The following NRG1 variants were observed in gnomAD, a reference collection of about 807,000 sequenced individuals.
NRG1 encodes the protein pro-neuregulin-1, membrane-bound isoform.
A neutral mutation model predicts 63.8 loss-of-function variants in NRG1; 18 were observed. The observed-to-expected ratio is 0.28, with a 90% CI of 0.19 to 0.42. NRG1 has a LOEUF of 0.42. Among genes scored for constraint, NRG1 ranks in the 10% least tolerant of loss-of-function variants. NRG1 has a pLI of 1.00. For synonymous variants in NRG1, 302 were observed against 301.3 expected (o/e 1.00, Z -0.02); for missense variants, 762 against 814.7 (o/e 0.94, Z 0.79).
intron 1 of NRG1, among the ~76,000 whole-genome samples, chr8:32,504,747 C>T (rs1005393104): frequency 2.0e-5 from 3 of 152,044 alleles, no homozygotes; most frequent in Admixed American, 1.3e-4. Context: ...GTATTTCTGG[C>T]AGATGGAACA....
chr8:32,320,221 A>G (rs983670406), intron 1 of NRG1, among the ~76,000 whole-genome samples: 1 of 152,300 alleles, frequency 6.6e-6, no homozygotes, highest in South Asian at 2.1e-4. Context: ...TATTGTAGGT[A>G]CTTCATGGAT....
At chr8:31,866,289 C>A (rs1216037609) in intron 1 of NRG1, among the ~76,000 whole-genome samples, 2 of 152,098 alleles carry the variant, frequency 1.3e-5, no homozygotes, top group African/African-American at 2.4e-5. Context: ...AAAAGTATTG[C>A]CCATACATGG....
At chr8:32,744,119 T>C (rs1221938822) in intron 7 of NRG1, among the ~76,000 whole-genome samples, 1 of 152,170 alleles carries the variant, frequency 6.6e-6, no homozygotes, top group East Asian at 1.9e-4. Flanking sequence ...AAGTTGGTTA[T>C]TTAGGGGTCC....
chr8:32,588,792 A>C (rs1438584140), intron 1 of NRG1, among the ~76,000 whole-genome samples: 1 of 152,174 alleles, frequency 6.6e-6, no homozygotes, highest in Non-Finnish European at 1.5e-5. Flanking sequence ...AGTCAGCTTG[A>C]GAATATATTA....
intron 11 of NRG1, chr8:32,763,151 G>A: frequency 6.6e-7 from 1 of 1,511,328 alleles, no homozygotes; most frequent in Non-Finnish European, 9.1e-7. Flanking sequence ...AAAATGAAAA[G>A]CACACAAATG....
chr8:31,845,082 G>A (rs535496252), intron 1 of NRG1, among the ~76,000 whole-genome samples: 20 of 151,656 alleles, frequency 1.3e-4, no homozygotes, highest in Non-Finnish European at 2.6e-4. Flanking sequence ...ACTCCAGCCT[G>A]GGCGACAGGG....
chr8:32,557,439 A>G (rs372488531), intron 1 of NRG1, among the ~76,000 whole-genome samples: 1 of 152,244 alleles, frequency 6.6e-6, no homozygotes, highest in South Asian at 2.1e-4. Flanking sequence ...GTTTAAAATT[A>G]TAGTATTCCT....
At chr8:32,748,358 C>CACACACAGAGAGAGAGAG (rs748763782) in intron 7 of NRG1, among the ~76,000 whole-genome samples, 24 of 122,006 alleles carry the variant, frequency 2.0e-4, no homozygotes, top group African/African-American at 3.6e-4. Context: ...CACACACACA[C>CACACACAGAGAGAGAGAG]AGAGAGAGAG....
intron 1 of NRG1, among the ~76,000 whole-genome samples, chr8:32,222,034 T>TATATACAC (rs1554658204): frequency 1.3e-5 from 2 of 148,586 alleles, no homozygotes; most frequent in African/African-American, 4.9e-5. Flanking sequence ...GAAACATACA[T>TATATACAC]ACACACACAC....
intron 4 of NRG1, among the ~76,000 whole-genome samples, chr8:32,615,828 T>C (rs1054827252): frequency 6.6e-6 from 1 of 151,782 alleles, no homozygotes. Flanking sequence ...TAAGAGGTTG[T>C]TACTCTTCTG....
chr8:32,742,210 C>A lies in NRG1; in HGVS notation c.633-465C>A. The stretch of plus-strand genomic sequence containing the variant: ...GGCTTAACCTCTCAAGGCATAAACC[C>A]ATTCAGTGTTACCTTATTTAACTGT... On this transcript the variant is annotated intron_variant, in intron 6 of 11. Coordinates refer to ENST00000356819, the Ensembl canonical transcript of NRG1. This position sits in a 1 kb window ranked among gnomAD's most constrained non-coding sequence, Gnocchi z 4.2. The A allele has an allele frequency of 2.8e-6, 2 of 721,868 alleles. No homozygotes were observed. The highest frequency in any genetic ancestry group is 4.8e-6 in the Non-Finnish European group (2 of 419,100). The allele number at this position is 721,868 out of a possible 1,614,324, so 44.7% of individuals were successfully genotyped here.
At chr8:32,009,821 C>A (rs569948116) in intron 1 of NRG1, among the ~76,000 whole-genome samples, 1 of 151,942 alleles carries the variant, frequency 6.6e-6, no homozygotes, top group Admixed American at 6.6e-5. Context: ...TGTCAGAGGC[C>A]TGATTGACTT....
At chr8:32,209,681 C>T (rs1272180415) in intron 1 of NRG1, among the ~76,000 whole-genome samples, 5 of 152,060 alleles carry the variant, frequency 3.3e-5, no homozygotes, top group East Asian at 1.9e-4. Context: ...AGATCACCCA[C>T]ATGTGAATTT....
chr8:31,806,145 A>G (rs1412541890), intron 1 of NRG1, among the ~76,000 whole-genome samples: 1 of 152,142 alleles, frequency 6.6e-6, no homozygotes, highest in Non-Finnish European at 1.5e-5. Flanking sequence ...CCAAATCTTG[A>G]TTATAATAGT....
At chr8:32,284,146 C>T (rs1468827195) in intron 1 of NRG1, among the ~76,000 whole-genome samples, 11 of 152,150 alleles carry the variant, frequency 7.2e-5, no homozygotes, top group Non-Finnish European at 1.5e-5. Context: ...CTGTGTCAGT[C>T]CTTGTGGAGT....
chr8:32,191,603 A>T (rs59767217), intron 1 of NRG1, among the ~76,000 whole-genome samples: 8,469 of 152,276 alleles, frequency 0.056, 403 homozygotes, highest in East Asian at 0.26. Context: ...GGCTTCAGTT[A>T]TGTGATCAAC....
At chr8:31,888,161 A>T (rs1830870818) in intron 1 of NRG1, among the ~76,000 whole-genome samples, 1 of 151,990 alleles carries the variant, frequency 6.6e-6, no homozygotes, top group Non-Finnish European at 1.5e-5. Context: ...ATGTACAAAA[A>T]GATAGCTTTT....
intron 1 of NRG1, among the ~76,000 whole-genome samples, chr8:31,812,838 T>G (rs1823023668): frequency 6.6e-6 from 1 of 152,204 alleles, no homozygotes; most frequent in South Asian, 2.1e-4. Context: ...GTCATTAAAT[T>G]GGAACTAGCA....
In NRG1 at chr8:32,555,762, C is replaced by T. The variant is rs11991469; in HGVS notation, c.100+6936C>T. Among the ~76,000 whole-genome samples, 4 of 152,214 alleles carry T rather than the reference C, an allele frequency of 2.6e-5. No individual in the cohort carries two copies. The East Asian group carries it at 5.8e-4, about 22-fold the overall frequency. On this transcript the variant is annotated intron_variant, in intron 1 of 11. Coordinates refer to ENST00000356819, the Ensembl canonical transcript of NRG1. ...CTGGGATTACAGGCGTGAGCCACCG[C>T]GCCCGGCGGGGCTGATATTTTAATA...
Sources: gnomAD v4.1 joint callset for allele counts (sites outside exome capture counted in the v4.1 genomes callset) on GRCh38, gnomAD v4.1.1 for gene constraint, Gnocchi (gnomAD v3.1) non-coding constraint, MANE v1.5 for transcripts, NCBI Gene and HGNC (gene_info 2026-07-23, HGNC 2026-07-21) for gene names.